Variants in SLIT3 observed in about 807,000 individuals in gnomAD.
SLIT3 encodes slit guidance ligand 3.
SLIT3 carries 68 observed loss-of-function variants against 184.0 expected under a neutral mutation model. The ratio of observed to expected loss-of-function variants is 0.37; its 90% confidence interval spans 0.30 to 0.45. SLIT3 has a LOEUF of 0.45. SLIT3 is among the 20% of genes least tolerant of loss of function. The probability of loss-of-function intolerance (pLI) is 1.00; values close to 1 mark genes in which losing one functional copy is unlikely to be tolerated. For missense variants in SLIT3, 1,707 were observed against 2,026.0 expected (o/e 0.84, Z 3.02); for synonymous variants, 831 against 828.6 (o/e 1.00, Z -0.05).
intron 4 of SLIT3, among the ~76,000 whole-genome samples, chr5:169,180,319 G>A (rs1678404516): frequency 2.0e-5 from 3 of 152,224 alleles, no homozygotes; most frequent in Non-Finnish European, 2.9e-5. Context: ...ATGGCACTAG[G>A]ACAAGTACCA....
Position 169,238,847 on chromosome 5 carries a change from A to G in SLIT3, c.341+5858T>C, listed in dbSNP as rs374994242. Among the ~76,000 whole-genome samples the G allele has an allele frequency of 6.6e-5, 10 of 152,262 alleles. No homozygotes were observed. The South Asian group carries it at 2.1e-3, about 32-fold the overall frequency. On this transcript the variant is annotated intron_variant, in intron 3 of 35. Coordinates refer to ENST00000519560, the MANE Select transcript of SLIT3 (RefSeq NM_003062.4). Reference sequence around the variant, plus strand: ...CATTATTACATCATGGTTCCTTTGTACTTACCATGAATTGGATCTGATAGA... The same window carrying G: ...CATTATTACATCATGGTTCCTTTGTGCTTACCATGAATTGGATCTGATAGA...
intron 6 of SLIT3, among the ~76,000 whole-genome samples, chr5:168,839,608 G>A (rs1758173310): frequency 6.6e-6 from 1 of 152,126 alleles, no homozygotes; most frequent in Admixed American, 6.5e-5. Context: ...CTCACCTATG[G>A]GAGCAATATG....
rs1754969339 is a variant in SLIT3 at position 168,982,080 on chromosome 5, C to T, written c.414-98744G>A. Among the ~76,000 whole-genome samples, 4 of 152,198 alleles carry T rather than the reference C, an allele frequency of 2.6e-5. No individual in the cohort carries two copies. The South Asian group carries it at 6.2e-4, about 24-fold the overall frequency. On this transcript the variant is annotated intron_variant, in intron 4 of 35. Coordinates refer to ENST00000519560, the MANE Select transcript of SLIT3 (RefSeq NM_003062.4). ...CACATGCACAGATTTGTAATTCTTT[C>T]CTTTCTTCTAATTATGTGCATTCTG...
intron 6 of SLIT3, among the ~76,000 whole-genome samples, chr5:168,837,199 A>T: frequency 6.6e-6 from 1 of 152,168 alleles, no homozygotes; most frequent in Admixed American, 6.5e-5. Flanking sequence ...GATTGCATGA[A>T]CATATCACAA....
At chr5:169,116,129 G>A (rs1760653711) in intron 4 of SLIT3, among the ~76,000 whole-genome samples, 1 of 152,154 alleles carries the variant, frequency 6.6e-6, no homozygotes, top group Non-Finnish European at 1.5e-5. Context: ...GATAATTATT[G>A]CAGGGCAATA....
rs192913698 is a variant in SLIT3, at chr5:169,254,279, G to A, written c.198-2820C>T. Among the ~76,000 whole-genome samples the A allele has an allele frequency of 7.5e-3, 1,135 of 152,242 alleles. 21 individuals are homozygous for A. The highest frequency in any genetic ancestry group is 0.026 in the African/African-American group (1,067 of 41,536). ...CCTGAGGAGAGGCTGCCTGTCCCAAGGCCAGCCCCCACTGTCCCGGCCCAG... is the reference window on the plus strand; with the variant it reads ...CCTGAGGAGAGGCTGCCTGTCCCAAAGCCAGCCCCCACTGTCCCGGCCCAG... On this transcript the variant is annotated intron_variant, in intron 1 of 35. Transcript: ENST00000519560.
At chr5:169,159,931 T>C (rs1561705255) in intron 4 of SLIT3, among the ~76,000 whole-genome samples, 1 of 152,178 alleles carries the variant, frequency 6.6e-6, no homozygotes, top group Non-Finnish European at 1.5e-5. Flanking sequence ...ATGTATATAA[T>C]GGCTGCCACT....
intron 4 of SLIT3, among the ~76,000 whole-genome samples, chr5:168,940,466 C>G (rs1419357967): frequency 2.6e-5 from 4 of 152,064 alleles, no homozygotes; most frequent in Non-Finnish European, 4.4e-5. Flanking sequence ...AGAAAAAAAA[C>G]TAAATCTCCT....
chr5:169,154,602 C>T lies in SLIT3; in HGVS notation c.413+38877G>A, dbSNP rs78630865. Among the ~76,000 whole-genome samples the T allele has an allele frequency of 8.1e-3, 1,228 of 152,302 alleles. 15 individuals are homozygous for T. Among genetic ancestry groups the T allele is most frequent in the African/African-American group, 0.029 (1,196 of 41,566 alleles). ...CAGAGCTCCATTGGCTGTGCAAACT[C>T]GAACATGTTCCTCAATCACTTTATT... On this transcript the variant is annotated intron_variant, in intron 4 of 35. Transcript: ENST00000519560.
chr5:168,754,189 A>T (rs10060673), intron 16 of SLIT3, among the ~76,000 whole-genome samples, 182 bp from the exon 17 acceptor site: 8,414 of 152,226 alleles, frequency 0.055, 768 homozygotes, highest in African/African-American at 0.19. Flanking sequence ...TGGCCCAGGG[A>T]GCAGGGACCC....
intron 7 of SLIT3, among the ~76,000 whole-genome samples, chr5:168,821,719 G>A (rs1346304272): frequency 2.6e-5 from 4 of 152,106 alleles, no homozygotes; most frequent in Non-Finnish European, 5.9e-5. Context: ...CATGTACCAG[G>A]CACTTTATGT....
chr5:168,930,814 C>T (rs1260257667), intron 4 of SLIT3, among the ~76,000 whole-genome samples: 1 of 152,022 alleles, frequency 6.6e-6, no homozygotes, highest in Non-Finnish European at 1.5e-5. Context: ...CCCCGAGAGG[C>T]CTGATCCACC....
rs1273073646 is a variant in SLIT3 at position 169,034,939 on chromosome 5, G to GTT, written c.414-151604_414-151603insAA. ...TGTGTGTGTGTGTGTGTGTGTGTGTGTGTGTGTGTGTGTGTGTGTTTTGGT... is the reference window on the plus strand; with the variant it reads ...TGTGTGTGTGTGTGTGTGTGTGTGTGTTTGTGTGTGTGTGTGTGTGTTTTGGT... On this transcript the variant is annotated intron_variant, in intron 4 of 35. Transcript: ENST00000519560. Among the ~76,000 whole-genome samples, 950 of 150,990 alleles carry GTT rather than the reference G, an allele frequency of 6.3e-3. 13 individuals are homozygous for GTT. The highest frequency in any genetic ancestry group is 0.022 in the African/African-American group (888 of 40,962).
At chr5:169,070,266 T>C (rs1463956814) in intron 4 of SLIT3, among the ~76,000 whole-genome samples, 3 of 152,150 alleles carry the variant, frequency 2.0e-5, no homozygotes, top group Non-Finnish European at 4.4e-5. Flanking sequence ...TGAAGGGGCA[T>C]CCTGGGGAAT....
chr5:169,170,366 GC>G (rs1359033227), intron 4 of SLIT3, among the ~76,000 whole-genome samples: 8 of 152,204 alleles, frequency 5.3e-5, no homozygotes, highest in African/African-American at 1.9e-4. Flanking sequence ...GGAAGAGAGA[GC>G]CCTGCTAGGG....
intron 1 of SLIT3, among the ~76,000 whole-genome samples, chr5:169,275,878 T>A (rs1244857562): frequency 6.6e-6 from 1 of 151,954 alleles, no homozygotes; most frequent in Non-Finnish European, 1.5e-5. Context: ...AAGAGGGAAG[T>A]CATGGGTGGG....
intron 5 of SLIT3, among the ~76,000 whole-genome samples, chr5:168,872,285 G>C (rs1425693133): frequency 6.6e-6 from 1 of 152,136 alleles, no homozygotes; most frequent in Non-Finnish European, 1.5e-5. Context: ...GAAATTTTAG[G>C]GCACTGACAC....
intron 4 of SLIT3, among the ~76,000 whole-genome samples, chr5:169,045,156 CAA>C (rs548726937): frequency 2.6e-5 from 4 of 152,124 alleles, no homozygotes; most frequent in Non-Finnish European, 4.4e-5. Context: ...CAGAAGACGA[CAA>C]TGCATTCCTG....
chr5:168,790,128 C>T, intron 10 of SLIT3: 1 of 154,478 alleles, frequency 6.5e-6, no homozygotes, highest in East Asian at 1.9e-4. Context: ...CTTTTCCTCC[C>T]TGACCTGAAA....
Sources: allele counts gnomAD v4.1 joint callset (sites outside exome capture counted in the v4.1 genomes callset), GRCh38; gene constraint gnomAD v4.1.1; transcripts MANE v1.5; gene names NCBI Gene and HGNC (gene_info 2026-07-23, HGNC 2026-07-21).